The following KDM3A variants were observed in gnomAD, a reference collection of about 807,000 sequenced individuals.
The protein encoded by KDM3A is lysine-specific demethylase 3A.
KDM3A carries 60 observed loss-of-function variants against 158.0 expected under a neutral mutation model. That is an observed-to-expected ratio of 0.38 (90% CI 0.31 to 0.47). The LOEUF is 0.47. Ranked by LOEUF, KDM3A falls within the 20% of genes least tolerant of loss-of-function variation. The pLI, the probability that KDM3A is intolerant of heterozygous loss-of-function variation, is 0.99. For synonymous variants in KDM3A, 608 were observed against 549.3 expected (o/e 1.11, Z -1.49); for missense variants, 1,319 against 1,574.3 (o/e 0.84, Z 2.74).
chr2:86,456,388 A>G (rs926061350), intron 5 of KDM3A, 54 bp from the exon 6 acceptor site: 84 of 1,237,664 alleles, frequency 6.8e-5, no homozygotes, highest in South Asian at 9.4e-5. Context: ...TGATGTTGCT[A>G]TTGGGAGATA....
In KDM3A at chr2:86,451,162, G is replaced by A; in HGVS notation, c.402G>A (p.Leu134=). The change falls in exon 4 of 26, where the codon CTG becomes CTA. Residue 134 remains leucine, a synonymous_variant. Transcript: ENST00000312912. The part of the protein sequence containing the change: ...GLGSITSVRF[L]GDQQRVFLSK... ...GATCCATAACTTCTGTTCGCTTTCTGGGAGATCAACAAAGAGTATTTCTTT... is the reference window on the plus strand; with the variant it reads ...GATCCATAACTTCTGTTCGCTTTCTAGGAGATCAACAAAGAGTATTTCTTT... 6.2e-7 allele frequency: 1 copy of A among 1,612,076 alleles called. No individual in the cohort carries two copies. The highest frequency in any genetic ancestry group is 8.5e-7 in the Non-Finnish European group (1 of 1,179,352).
In KDM3A at chr2:86,477,582, GCA is replaced by G. The variant is rs1456893992; in HGVS notation, c.1940-292_1940-291del. 2.6e-5 allele frequency among the ~76,000 whole-genome samples: 4 copies of G among 152,222 alleles called. No homozygotes were observed. In the East Asian group the frequency reaches 7.7e-4, roughly 29 times the overall value. Reference sequence around the variant, plus strand: ...AGCTCCAACTTGTGTAACTACTGCTGCACAGTCTGAATAGGGATTCTGCTTGG... The same window carrying G: ...AGCTCCAACTTGTGTAACTACTGCTGCAGTCTGAATAGGGATTCTGCTTGG... On this transcript the variant is annotated intron_variant, in intron 12 of 25. Transcript: ENST00000312912.
At chr2:86,489,098 T>TA (rs1385353063) in intron 21 of KDM3A, 8 of 489,206 alleles carry the variant, frequency 1.6e-5, no homozygotes, top group Non-Finnish European at 2.9e-5. Context: ...AAGCCTGCTT[T>TA]AACCACTTCC....
In KDM3A at chr2:86,441,464, G is replaced by C. The variant is rs1160327400; in HGVS notation, c.-31+20G>C. 6.6e-6 allele frequency: 1 copy of C among 152,072 alleles called. No individual in the cohort carries two copies. Among genetic ancestry groups the C allele is most frequent in the Non-Finnish European group, 1.5e-5 (1 of 68,028 alleles). The allele number at this position is 152,072 out of a possible 1,614,324, so 9.4% of individuals were successfully genotyped here. A position where few individuals can be genotyped will look rare whatever the true frequency, so the allele number is the denominator to read the frequency against. On this transcript the variant is annotated intron_variant, in intron 1 of 25. Coordinates refer to ENST00000312912, the MANE Select transcript of KDM3A (RefSeq NM_018433.6). ...GGCGGGGTAAGAGCGCCGCGGCCTC[G>C]GCTGCGGGGAGAGGGGAGAGAAAGG...
Position 86,482,473 on chromosome 2 carries a change from A to G in KDM3A, c.2701A>G (p.Lys901Glu). The G allele has an allele frequency of 6.2e-7, 1 of 1,613,988 alleles. No individual in the cohort carries two copies. Among genetic ancestry groups the G allele is most frequent in the South Asian group, 1.1e-5 (1 of 91,078 alleles). Reference protein sequence around the residue: ...SSTGKTENGLKNTPKILDDIF... With the variant: ...SSTGKTENGLENTPKILDDIF... ...TCCAATTCAGACAGAAAATGGACTC[A>G]AGAATACACCAAAAATCCTTGATGA... Residue 901 changes from lysine to glutamate, a missense_variant, in exon 18 of 26, where the codon AAG (lysine) becomes GAG (glutamate). Physicochemically the swap from Lys to Glu is moderately conservative, Grantham distance 56 (BLOSUM62 1). This residue lies in a region of KDM3A where 368 missense variants were observed against 415.8 expected (regional missense o/e 0.89). Transcript: ENST00000312912.
At chr2:86,461,423 C>T (rs1426387991) in intron 8 of KDM3A, among the ~76,000 whole-genome samples, 1 of 152,168 alleles carries the variant, frequency 6.6e-6, no homozygotes, top group Non-Finnish European at 1.5e-5. Context: ...TGATTTATAG[C>T]TATTTAGAAA....
In KDM3A at chr2:86,477,935, C is replaced by T. The variant is rs1194999416; in HGVS notation, c.1998C>T (p.Asp666=). The change falls in exon 13 of 26, where the codon GAC becomes GAT. Residue 666 remains aspartate (D), a synonymous_variant. Coordinates refer to ENST00000312912, the MANE Select transcript of KDM3A (RefSeq NM_018433.6). The part of the protein sequence containing the change: ...KGVREMCDVC[D]TTIFNLHWVC... ...TTCGAGAAATGTGTGATGTGTGCGA[C>T]ACCACCATCTTCAACCTGCACTGGG... 5.6e-6 allele frequency: 9 copies of T among 1,614,000 alleles called. No individual in the cohort carries two copies. The highest frequency in any genetic ancestry group is 6.8e-6 in the Non-Finnish European group (8 of 1,180,010).
intron 11 of KDM3A, among the ~76,000 whole-genome samples, chr2:86,472,537 A>G (rs1338611050): frequency 1.3e-5 from 2 of 152,078 alleles, no homozygotes; most frequent in Non-Finnish European, 2.9e-5. Flanking sequence ...TTTTTGTGTT[A>G]TGACTATCTC....
intron 8 of KDM3A, among the ~76,000 whole-genome samples, chr2:86,462,071 A>T (rs963572956): frequency 2.0e-5 from 3 of 152,006 alleles, no homozygotes; most frequent in Admixed American, 6.5e-5. Context: ...GTTGGTTAGG[A>T]CATGTGTAGC....
intron 15 of KDM3A, chr2:86,479,897 A>G: frequency 2.2e-6 from 1 of 446,450 alleles, no homozygotes; most frequent in Non-Finnish European, 4.1e-6. Flanking sequence ...TGGTACATAG[A>G]GTAATAGGGA....
rs1191876567 is a variant in KDM3A at position 86,478,638 on chromosome 2, C to G, written c.2219C>G (p.Ser740Cys). ...TATGATGTTGGAGACATTGTTCATT[C>G]TGTAAGAGCGAAATGGGGAATAAAG... is the stretch of plus-strand genomic sequence containing the variant. ...ALYDVGDIVH[S>C]VRAKWGIKAN... Residue 740 changes from serine to cysteine, a missense_variant, in exon 15 of 26, where the codon TCT (serine) becomes TGT (cysteine). By Grantham distance (112) the Ser-to-Cys change is moderately radical. Around this residue, in one of 4 missense-constraint regions of KDM3A, gnomAD observed 368 missense variants for 415.8 expected, o/e 0.89. Coordinates refer to ENST00000312912, the MANE Select transcript of KDM3A (RefSeq NM_018433.6). 1 of 1,613,904 alleles carries G rather than the reference C, an allele frequency of 6.2e-7. No homozygotes were observed. The highest frequency in any genetic ancestry group is 1.3e-5 in the African/African-American group (1 of 74,924).
chr2:86,465,138 A>G (rs1673080244), intron 9 of KDM3A, among the ~76,000 whole-genome samples: 1 of 152,234 alleles, frequency 6.6e-6, no homozygotes, highest in South Asian at 2.1e-4. Flanking sequence ...AATAGAAAAA[A>G]AGGACTTTGC....
chr2:86,456,907 C>T (rs1672728745), intron 7 of KDM3A, 30 bp downstream of exon 7: 1 of 1,577,798 alleles, frequency 6.3e-7, no homozygotes, highest in South Asian at 1.1e-5. Context: ...TCTTTCTTCT[C>T]CTTCCTCCTT....
At chr2:86,475,523 C>G (rs73949513) in intron 12 of KDM3A, among the ~76,000 whole-genome samples, 2,186 of 152,262 alleles carry the variant, frequency 0.014, 67 homozygotes, top group African/African-American at 0.051. Context: ...TTTGGGAGCA[C>G]TGTTACACTG....
In KDM3A at chr2:86,457,076, C is replaced by A. The variant is rs1435265910; in HGVS notation, c.843+5C>A. 4 of 1,509,722 alleles carry A rather than the reference C, an allele frequency of 2.6e-6. No individual in the cohort carries two copies. Among genetic ancestry groups the A allele is most frequent in the Non-Finnish European group, 3.6e-6 (4 of 1,109,894 alleles). The allele number at this position is 1,509,722 out of a possible 1,614,324, so 93.5% of individuals were successfully genotyped here. A position where few individuals can be genotyped will look rare whatever the true frequency, so the allele number is the denominator to read the frequency against. Reference sequence around the variant, plus strand: ...CAAGCAAAATCTTGCTCTGAGGTAACCTTTATTTATGTCACTTGTGTAAAG... The same window carrying A: ...CAAGCAAAATCTTGCTCTGAGGTAAACTTTATTTATGTCACTTGTGTAAAG... On this transcript the variant is annotated splice_donor_5th_base_variant and intron_variant, in intron 8 of 25. Coordinates refer to ENST00000312912, the MANE Select transcript of KDM3A (RefSeq NM_018433.6).
chr2:86,476,060 C>T (rs1481741145), intron 12 of KDM3A, among the ~76,000 whole-genome samples: 1 of 152,124 alleles, frequency 6.6e-6, no homozygotes, highest in Non-Finnish European at 1.5e-5. Context: ...GTAGTGGAGA[C>T]TCTAAGTCAA....
chr2:86,488,872 A>G (rs1300484034), intron 21 of KDM3A: 3 of 159,452 alleles, frequency 1.9e-5, no homozygotes, highest in Admixed American at 1.2e-4. Context: ...GAGAGAACCA[A>G]GGAATGCGTT....
rs373879990 is a variant in KDM3A, at chr2:86,485,903, C to G, written c.3313+44C>G. The G allele has an allele frequency of 9.5e-6, 15 of 1,583,658 alleles. No individual in the cohort carries two copies. The African/African-American group carries it at 2.0e-4, about 21-fold the overall frequency. ...ACTTTAAAATGGAAATAAAACAATTCAAAATGTTTGGAAAATTGATTTTGT... is the reference window on the plus strand; with the variant it reads ...ACTTTAAAATGGAAATAAAACAATTGAAAATGTTTGGAAAATTGATTTTGT... On this transcript the variant is annotated intron_variant, in intron 21 of 25. Transcript: ENST00000312912.
chr2:86,476,618 G>C (rs1286321750), intron 12 of KDM3A, among the ~76,000 whole-genome samples: 1 of 152,170 alleles, frequency 6.6e-6, no homozygotes, highest in African/African-American at 2.4e-5. Flanking sequence ...TGTCCTTTCA[G>C]TGACAAATAA....
Sources: allele counts gnomAD v4.1 joint callset (sites outside exome capture counted in the v4.1 genomes callset), GRCh38; gene constraint gnomAD v4.1.1; regional missense constraint gnomAD v4.1.1; transcripts MANE v1.5; gene names NCBI Gene and HGNC (gene_info 2026-07-23, HGNC 2026-07-21).